Variants in DCBLD2 observed in about 807,000 individuals in gnomAD.
DCBLD2 encodes the protein discoidin, CUB and LCCL domain containing 2, also known as discoidin, CUB and LCCL domain-containing protein 2.
In DCBLD2, 54 loss-of-function variants were observed where a neutral mutation model predicts 86.8. The observed-to-expected ratio is 0.62, with a 90% CI of 0.50 to 0.78. The LOEUF (loss-of-function observed/expected upper bound fraction) is 0.78. DCBLD2 is among the 30% of genes least tolerant of loss of function. The pLI, the probability that DCBLD2 is intolerant of heterozygous loss-of-function variation, is 0.00. For missense variants in DCBLD2, 908 were observed against 954.2 expected, an observed-to-expected ratio of 0.95 and a Z score of 0.64; for synonymous variants, 354 against 341.3, an observed-to-expected ratio of 1.04 and a Z score of -0.41.
chr3:98,898,989 T>C (rs993011094), intron 1 of DCBLD2, among the ~76,000 whole-genome samples: 1 of 151,986 alleles, frequency 6.6e-6, no homozygotes, highest in Non-Finnish European at 1.5e-5. Context: ...GAGATAGGTA[T>C]GCATGCTCAC....
At position 98,799,665 on chromosome 3, in the gene DCBLD2, T is replaced by C; in HGVS notation, c.2035A>G (p.Thr679Ala). The change falls in exon 16 of 16, where the codon ACC (threonine) becomes GCC (alanine). Residue 679 changes from threonine (T) to alanine (A), a missense_variant. Physicochemically the swap from Thr to Ala is moderately conservative, Grantham distance 58 (BLOSUM62 0). Around this residue, in one of 3 missense-constraint regions of DCBLD2, gnomAD observed 606 missense variants for 678.5 expected, o/e 0.89. Transcript: ENST00000326840. ...CCTGACATGTCCATGATGATTGGGG[T>C]TGCATACTCAGGCCCCGTAATTGGG... ...PLPITGPEYA[T>A]PIIMDMSGHP... The C allele has an allele frequency of 6.2e-7, 1 of 1,613,988 alleles. No individual in the cohort carries two copies. Among genetic ancestry groups the C allele is most frequent in the African/African-American group, 1.3e-5 (1 of 75,038 alleles).
chr3:98,805,094 G>C (rs558799838), intron 13 of DCBLD2: 48 of 152,266 alleles, frequency 3.2e-4, no homozygotes, highest in Non-Finnish European at 5.9e-4. Flanking sequence ...CCACAAATGT[G>C]GTTTTCATAA....
chr3:98,860,068 G>C (rs1002149446), intron 2 of DCBLD2, among the ~76,000 whole-genome samples: 4 of 152,174 alleles, frequency 2.6e-5, no homozygotes. Flanking sequence ...TGAGAACTAC[G>C]TGACGAATGC....
chr3:98,847,206 C>G (rs1434677892), intron 3 of DCBLD2, among the ~76,000 whole-genome samples: 1 of 130,284 alleles, frequency 7.7e-6, no homozygotes, highest in Non-Finnish European at 1.7e-5. Flanking sequence ...TGTCATGAGC[C>G]TACAAACAGT....
intron 3 of DCBLD2, among the ~76,000 whole-genome samples, chr3:98,841,968 G>C (rs895398157): frequency 1.3e-5 from 2 of 152,148 alleles, no homozygotes; most frequent in African/African-American, 2.4e-5. Flanking sequence ...GGGAGGCTGA[G>C]GCAGGAGAAT....
At position 98,827,595 on chromosome 3, in the gene DCBLD2, AG is replaced by A. The variant is rs1318812062; in HGVS notation, c.572-2230del. Among the ~76,000 whole-genome samples the A allele has an allele frequency of 7.9e-5, 12 of 152,250 alleles. No homozygotes were observed. The East Asian group carries it at 2.3e-3, about 29-fold the overall frequency. On this transcript the variant is annotated intron_variant, in intron 3 of 15. Transcript: ENST00000326840. ...ATGGAAGTTCAAAGAGCTCTCAAGG[AG>A]AAAAATAAGAATTCAAAATGGACAG... is the stretch of plus-strand genomic sequence containing the variant.
At chr3:98,859,086 G>T (rs1401793880) in intron 2 of DCBLD2, among the ~76,000 whole-genome samples, 3 of 152,146 alleles carry the variant, frequency 2.0e-5, no homozygotes, top group African/African-American at 7.2e-5. Context: ...TACATCCCAC[G>T]CCTGGCTCGG....
chr3:98,885,333 T>A (rs1943542495), intron 1 of DCBLD2, among the ~76,000 whole-genome samples: 1 of 152,138 alleles, frequency 6.6e-6, no homozygotes, highest in Non-Finnish European at 1.5e-5. Context: ...CCTGACTGGA[T>A]AAATAGCTTA....
intron 2 of DCBLD2, among the ~76,000 whole-genome samples, chr3:98,880,080 A>G (rs1206140514): frequency 6.6e-6 from 1 of 152,204 alleles, no homozygotes; most frequent in Non-Finnish European, 1.5e-5. Context: ...TTTGTTCAAC[A>G]CCATATATTC....
At chr3:98,834,042 A>C (rs1185318193) in intron 3 of DCBLD2, among the ~76,000 whole-genome samples, 1 of 151,408 alleles carries the variant, frequency 6.6e-6, no homozygotes, top group Non-Finnish European at 1.5e-5. Context: ...TTCCAGCACC[A>C]CTTCCCTGGG....
At chr3:98,800,835 C>T in intron 14 of DCBLD2, 119 bp from the exon 15 acceptor site, 2 of 1,409,712 alleles carry the variant, frequency 1.4e-6, no homozygotes, top group Non-Finnish European at 1.9e-6. Context: ...TCTCTACAAA[C>T]TTGCCTTTAT....
intron 2 of DCBLD2, among the ~76,000 whole-genome samples, chr3:98,851,447 C>CA (rs1009415965): frequency 6.6e-6 from 1 of 152,112 alleles, no homozygotes; most frequent in Non-Finnish European, 1.5e-5. Context: ...AGAGCGGATA[C>CA]AAATGGAAAA....
chr3:98,808,019 A>G, intron 13 of DCBLD2, 62 bp downstream of exon 13: 1 of 1,246,160 alleles, frequency 8.0e-7, no homozygotes, highest in Non-Finnish European at 1.1e-6. Flanking sequence ...TTCATCTTCT[A>G]TATTTAGCTT....
intron 3 of DCBLD2, among the ~76,000 whole-genome samples, chr3:98,840,776 G>A (rs1942605889): frequency 6.6e-6 from 1 of 152,192 alleles, no homozygotes; most frequent in South Asian, 2.1e-4. Flanking sequence ...ACATATGTGA[G>A]CCCCCATGCC....
rs149710244 is a variant in DCBLD2 at position 98,881,377 on chromosome 3, G to C, written c.433+163C>G. On this transcript the variant is annotated intron_variant, in intron 2 of 15. Transcript: ENST00000326840. ...AAAAGTAAATAAAGTAAACAGACAA[G>C]AATCTTCTCTTCCCAAAAGATTCAA... 5.4e-3 allele frequency among the ~76,000 whole-genome samples: 817 copies of C among 151,552 alleles called. 7 individuals carry two copies. Among genetic ancestry groups the C allele is most frequent in the African/African-American group, 0.019 (773 of 41,292 alleles).
intron 2 of DCBLD2, among the ~76,000 whole-genome samples, chr3:98,871,610 C>A (rs1054524622): frequency 4.6e-5 from 7 of 151,428 alleles, no homozygotes; most frequent in African/African-American, 1.7e-4. Flanking sequence ...ATCATCCTTG[C>A]ATTCCTGGTA....
chr3:98,803,635 C>G (rs1472656333), intron 13 of DCBLD2, among the ~76,000 whole-genome samples: 4 of 152,102 alleles, frequency 2.6e-5, no homozygotes, highest in African/African-American at 7.2e-5. Context: ...TTTTCAAAGG[C>G]AATGCTTCCA....
At chr3:98,822,607 T>G in intron 5 of DCBLD2, 62 bp downstream of exon 5, 1 of 1,457,204 alleles carries the variant, frequency 6.9e-7, no homozygotes, top group Middle Eastern at 1.8e-4. Flanking sequence ...CTCTAACTAC[T>G]CTGGAGTTCT....
At chr3:98,862,471 T>TA (rs1288607486) in intron 2 of DCBLD2, among the ~76,000 whole-genome samples, 1 of 152,174 alleles carries the variant, frequency 6.6e-6, no homozygotes, top group Non-Finnish European at 1.5e-5. Context: ...AAATCCTCAA[T>TA]AAAATACTGG....
Sources: allele counts gnomAD v4.1 joint callset (sites outside exome capture counted in the v4.1 genomes callset), GRCh38; gene constraint gnomAD v4.1.1; regional missense constraint gnomAD v4.1.1; transcripts MANE v1.5; gene names NCBI Gene and HGNC (gene_info 2026-07-23, HGNC 2026-07-21).